The following GPC5 variants were observed in gnomAD, a reference collection of about 807,000 sequenced individuals.
GPC5 encodes glypican 5.
GPC5 carries 47 observed loss-of-function variants against 53.9 expected under a neutral mutation model. That is an observed-to-expected ratio of 0.87 (90% CI 0.69 to 1.11). The LOEUF is 1.11. Among genes scored for constraint, GPC5 ranks in the 50% most tolerant of loss-of-function variants. The probability of loss-of-function intolerance (pLI) is 0.00; values close to 1 mark genes in which losing one functional copy is unlikely to be tolerated. For synonymous variants in GPC5, 286 were observed against 263.3 expected (o/e 1.09, Z -0.84); for missense variants, 748 against 713.1 (o/e 1.05, Z -0.56).
intron 7 of GPC5, among the ~76,000 whole-genome samples, chr13:92,633,277 T>C (rs1885314653): frequency 6.6e-6 from 1 of 152,080 alleles, no homozygotes; most frequent in Non-Finnish European, 1.5e-5. Context: ...CAATTCAAGA[T>C]GGGTTTTGGG....
intron 7 of GPC5, among the ~76,000 whole-genome samples, chr13:92,507,306 C>CT (rs1190994030): frequency 6.6e-6 from 1 of 152,166 alleles, no homozygotes; most frequent in Non-Finnish European, 1.5e-5. Flanking sequence ...TACATTTTTA[C>CT]TTTTTTCTCT....
intron 6 of GPC5, among the ~76,000 whole-genome samples, chr13:92,020,749 A>G (rs184931500): frequency 1.3e-4 from 20 of 149,924 alleles, no homozygotes; most frequent in Admixed American, 6.7e-4. Flanking sequence ...TAACAAATAT[A>G]TGGCTTGCAA....
intron 5 of GPC5, among the ~76,000 whole-genome samples, chr13:91,814,534 T>C (rs1314877793): frequency 6.6e-6 from 1 of 151,900 alleles, no homozygotes; most frequent in Non-Finnish European, 1.5e-5. Context: ...ACTTTATTTA[T>C]TTATTTATTT....
intron 2 of GPC5, among the ~76,000 whole-genome samples, chr13:91,511,940 A>G (rs11840058): frequency 0.027 from 4,148 of 152,106 alleles, 179 homozygotes; most frequent in African/African-American, 0.092. Context: ...AGAATAGGGG[A>G]GACTGAAATA....
chr13:91,710,571 T>C (rs1000248932), intron 3 of GPC5, among the ~76,000 whole-genome samples: 2 of 152,082 alleles, frequency 1.3e-5, no homozygotes, highest in African/African-American at 4.8e-5. Flanking sequence ...GCTCTGGGAG[T>C]GTTCCCATGC....
At chr13:92,586,316 T>C (rs908791208) in intron 7 of GPC5, among the ~76,000 whole-genome samples, 5 of 152,204 alleles carry the variant, frequency 3.3e-5, no homozygotes, top group Non-Finnish European at 7.3e-5. Flanking sequence ...CATGTGCAGA[T>C]ATCCAGAGAA....
intron 7 of GPC5, among the ~76,000 whole-genome samples, chr13:92,850,973 G>A (rs1271532775): frequency 6.6e-6 from 1 of 152,102 alleles, no homozygotes; most frequent in Non-Finnish European, 1.5e-5. Flanking sequence ...TGGTTCTTTA[G>A]GCTGTACAGG....
At chr13:91,521,213 G>T (rs924247605) in intron 2 of GPC5, among the ~76,000 whole-genome samples, 5 of 152,078 alleles carry the variant, frequency 3.3e-5, no homozygotes, top group African/African-American at 1.2e-4. Flanking sequence ...TCTCAGGCTG[G>T]CAGTGTTTTA....
At chr13:92,750,592 C>G (rs941344796) in intron 7 of GPC5, among the ~76,000 whole-genome samples, 1 of 152,140 alleles carries the variant, frequency 6.6e-6, no homozygotes, top group Non-Finnish European at 1.5e-5. Context: ...TGAATTATCT[C>G]CCGTCTGTAC....
intron 5 of GPC5, among the ~76,000 whole-genome samples, chr13:91,808,768 T>G (rs961554693): frequency 7.2e-5 from 11 of 152,150 alleles, no homozygotes; most frequent in Admixed American, 2.0e-4. Flanking sequence ...TGGAGGACAC[T>G]GAGGTATTCC....
chr13:92,478,343 A>G (rs545359803), intron 7 of GPC5, among the ~76,000 whole-genome samples: 16 of 152,334 alleles, frequency 1.1e-4, no homozygotes, highest in South Asian at 1.0e-3. Context: ...TGAAGAAACT[A>G]TACTGTTAAA....
chr13:91,666,872 T>A (rs536857807), intron 2 of GPC5, among the ~76,000 whole-genome samples: 2 of 152,308 alleles, frequency 1.3e-5, no homozygotes, highest in African/African-American at 4.8e-5. Context: ...CTTTTGGAAT[T>A]TTTTAGGTAT....
intron 7 of GPC5, among the ~76,000 whole-genome samples, chr13:92,610,030 C>CAAAAAAAAAAAAAAAAAAAAAAAAA (rs56913637): frequency 1.4e-5 from 1 of 70,838 alleles, no homozygotes; most frequent in African/African-American, 5.3e-5. Flanking sequence ...GACTCCATCT[C>CAAAAAAAAAAAAAAAAAAAAAAAAA]AAAAAAAAAA....
chr13:91,685,268 G>T (rs1040424211), intron 2 of GPC5, among the ~76,000 whole-genome samples: 1 of 152,202 alleles, frequency 6.6e-6, no homozygotes, highest in African/African-American at 2.4e-5. Flanking sequence ...TTGTGCCAAT[G>T]CACTCTAGTC....
intron 7 of GPC5, among the ~76,000 whole-genome samples, chr13:92,391,922 T>C (rs983231243): frequency 2.0e-5 from 3 of 152,176 alleles, no homozygotes; most frequent in African/African-American, 4.8e-5. Flanking sequence ...TTGGTGGCAA[T>C]CAGGCTATAA....
intron 5 of GPC5, among the ~76,000 whole-genome samples, chr13:91,897,682 A>G (rs879299004): frequency 4.2e-4 from 64 of 152,216 alleles, no homozygotes; most frequent in Non-Finnish European, 2.6e-4. Context: ...ACATTTGCCA[A>G]AGTGAAGAAA....
chr13:92,560,810 G>A lies in GPC5; in HGVS notation c.1562-305472G>A, dbSNP rs79641703. Among the ~76,000 whole-genome samples, 652 of 151,358 alleles carry A rather than the reference G, an allele frequency of 4.3e-3. 1 individual carries two copies. Among genetic ancestry groups the A allele is most frequent in the African/African-American group, 0.015 (612 of 41,314 alleles). On this transcript the variant is annotated intron_variant, in intron 7 of 7. Coordinates refer to ENST00000377067, the MANE Select transcript of GPC5 (RefSeq NM_004466.6). ...ATAGTGAACCTTTAGACAGGAAAAG[G>A]CCAGTTCTCCTCAACGAATATAAAT...
intron 2 of GPC5, among the ~76,000 whole-genome samples, chr13:91,687,043 A>C (rs2035638296): frequency 1.3e-5 from 2 of 151,982 alleles, no homozygotes; most frequent in African/African-American, 4.8e-5. Flanking sequence ...GAAATTTCAA[A>C]ATTTTTAAGT....
intron 7 of GPC5, among the ~76,000 whole-genome samples, chr13:92,371,516 C>T (rs1024615561): frequency 6.6e-6 from 1 of 152,048 alleles, no homozygotes; most frequent in Non-Finnish European, 1.5e-5. Context: ...AAGACATACA[C>T]AAGACTGGAT....
Sources: allele counts gnomAD v4.1 joint callset (sites outside exome capture counted in the v4.1 genomes callset), GRCh38; gene constraint gnomAD v4.1.1; transcripts MANE v1.5; gene names NCBI Gene and HGNC (gene_info 2026-07-23, HGNC 2026-07-21).